DPYSL3: variants seen among roughly 807,000 people sequenced by gnomAD.
DPYSL3 encodes the protein dihydropyrimidinase-related protein 3.
DPYSL3 carries 16 observed loss-of-function variants against 66.1 expected under a neutral mutation model. The observed-to-expected ratio is 0.24, with a 90% CI of 0.16 to 0.37. DPYSL3 has a LOEUF of 0.37. DPYSL3 is among the 10% of genes least tolerant of loss of function. The pLI is 1.00. For missense variants in DPYSL3, 738 were observed against 916.2 expected (o/e 0.81, Z 2.51); for synonymous variants, 338 against 345.1 (o/e 0.98, Z 0.23).
intron 1 of DPYSL3, among the ~76,000 whole-genome samples, chr5:147,426,277 C>CA (rs1157936171): frequency 2.0e-5 from 3 of 151,996 alleles, no homozygotes. Flanking sequence ...AGCATGTGCA[C>CA]AAGCCTGGAG....
intron 1 of DPYSL3, among the ~76,000 whole-genome samples, chr5:147,477,333 G>A (rs895019943): frequency 2.0e-5 from 3 of 151,862 alleles, no homozygotes; most frequent in African/African-American, 7.3e-5. Context: ...AGCCCTGGCT[G>A]AATGAAAAGA....
chr5:147,434,284 C>T (rs1752374132), intron 1 of DPYSL3, among the ~76,000 whole-genome samples: 1 of 152,096 alleles, frequency 6.6e-6, no homozygotes, highest in African/African-American at 2.4e-5. Context: ...AATTCATGTC[C>T]CTCTTTGGTC....
intron 1 of DPYSL3, among the ~76,000 whole-genome samples, chr5:147,434,479 C>A (rs551543078): frequency 6.6e-6 from 1 of 152,284 alleles, no homozygotes; most frequent in East Asian, 1.9e-4. Context: ...GTGCAAAAGC[C>A]AAATGCCTAT....
chr5:147,482,852 T>C (rs1753270166), intron 1 of DPYSL3, among the ~76,000 whole-genome samples: 1 of 152,166 alleles, frequency 6.6e-6, no homozygotes, highest in South Asian at 2.1e-4. Context: ...AAAGGAAACT[T>C]ATAATCGTGG....
At chr5:147,398,554 G>C (rs79921463) in intron 11 of DPYSL3, among the ~76,000 whole-genome samples, 1 of 152,104 alleles carries the variant, frequency 6.6e-6, no homozygotes, top group Admixed American at 6.5e-5. Context: ...CAACAGTGTC[G>C]AGCCCGTTTC....
chr5:147,482,024 C>T (rs1753254407), intron 1 of DPYSL3, among the ~76,000 whole-genome samples: 1 of 152,122 alleles, frequency 6.6e-6, no homozygotes. Flanking sequence ...GGAAGCAAAA[C>T]TACTCTTTGT....
At chr5:147,434,625 A>T (rs146644901) in intron 1 of DPYSL3, among the ~76,000 whole-genome samples, 150 of 152,320 alleles carry the variant, frequency 9.8e-4, no homozygotes, top group African/African-American at 3.4e-3. Context: ...ATAGAGAAGT[A>T]AAGATAAAAC....
In DPYSL3 at chr5:147,442,622, G is replaced by T. The variant is rs550011479; in HGVS notation, c.382-17659C>A. ...ATAAATCTGTCATTTCATTTTTGTT[G>T]TTAATGCAAAGATCTCGGAAAAAAT... On this transcript the variant is annotated intron_variant, in intron 1 of 13. Coordinates refer to ENST00000343218, the MANE Select transcript of DPYSL3 (RefSeq NM_001197294.2). Among the ~76,000 whole-genome samples, 54 of 152,086 alleles carry T rather than the reference G, an allele frequency of 3.6e-4. 2 individuals carry two copies. Among genetic ancestry groups the T allele is most frequent in the Admixed American group, 1.2e-3 (19 of 15,284 alleles).
chr5:147,418,649 C>CA lies in DPYSL3; in HGVS notation c.471-19dup, dbSNP rs1752020851. The stretch of plus-strand genomic sequence containing the variant: ...CAATTTGTCTGGTGAAACAAACAAA[C>CA]AAAAAAATGATCAAACACTTGGTCA... On this transcript the variant is annotated intron_variant, in intron 2 of 13. Coordinates refer to ENST00000343218, the MANE Select transcript of DPYSL3 (RefSeq NM_001197294.2). The CA allele has an allele frequency of 2.6e-6, 4 of 1,549,700 alleles. No individual in the cohort carries two copies. Among genetic ancestry groups the CA allele is most frequent in the Non-Finnish European group, 2.6e-6 (3 of 1,144,246 alleles).
chr5:147,438,969 A>G (rs1752469896), intron 1 of DPYSL3, among the ~76,000 whole-genome samples: 1 of 152,184 alleles, frequency 6.6e-6, no homozygotes, highest in South Asian at 2.1e-4. Flanking sequence ...ACAGTGGGGT[A>G]TGACACAGAG....
intron 1 of DPYSL3, among the ~76,000 whole-genome samples, chr5:147,487,573 A>T (rs1172589552): frequency 6.6e-6 from 1 of 152,156 alleles, no homozygotes; most frequent in Non-Finnish European, 1.5e-5. Context: ...AATCCAACCC[A>T]CCACCTGTTT....
chr5:147,439,976 A>G (rs2126368435), intron 1 of DPYSL3, among the ~76,000 whole-genome samples: 1 of 152,316 alleles, frequency 6.6e-6, no homozygotes, highest in African/African-American at 2.4e-5. Flanking sequence ...ATCTGCATTC[A>G]ATATTGAAAG....
chr5:147,447,599 G>C (rs936563002), intron 1 of DPYSL3, among the ~76,000 whole-genome samples: 2 of 152,144 alleles, frequency 1.3e-5, no homozygotes, highest in East Asian at 1.9e-4. Flanking sequence ...GGCCAGGTGC[G>C]GTGGCTCACG....
intron 1 of DPYSL3, among the ~76,000 whole-genome samples, chr5:147,478,151 C>T (rs954265443): frequency 6.6e-6 from 1 of 152,184 alleles, no homozygotes; most frequent in African/African-American, 2.4e-5. Flanking sequence ...TTCACACATT[C>T]CCTTTGTATT....
chr5:147,502,376 T>TAC (rs10561693), intron 1 of DPYSL3, among the ~76,000 whole-genome samples: 6,313 of 149,470 alleles, frequency 0.042, 367 homozygotes, highest in African/African-American at 0.14. Context: ...ATGTCACAGA[T>TAC]ACACACACAC....
intron 8 of DPYSL3, among the ~76,000 whole-genome samples, chr5:147,402,152 G>A (rs78062406): frequency 0.033 from 4,983 of 152,138 alleles, 272 homozygotes; most frequent in African/African-American, 0.11. Context: ...TATGGCATAC[G>A]TGAAGCATCT....
At chr5:147,435,947 G>A (rs935897274) in intron 1 of DPYSL3, among the ~76,000 whole-genome samples, 32 of 152,178 alleles carry the variant, frequency 2.1e-4, no homozygotes, top group African/African-American at 6.3e-4. Context: ...AGTGGTTATT[G>A]GAAGTGGAGA....
chr5:147,495,407 G>A (rs935586568), intron 1 of DPYSL3, among the ~76,000 whole-genome samples: 71 of 152,272 alleles, frequency 4.7e-4, no homozygotes, highest in Admixed American at 6.5e-5. Context: ...GGGCAATTAG[G>A]CAGGAGAAGG....
chr5:147,503,199 G>C (rs1258422905), intron 1 of DPYSL3, among the ~76,000 whole-genome samples: 1 of 152,128 alleles, frequency 6.6e-6, no homozygotes, highest in African/African-American at 2.4e-5. Context: ...CACCCAATTT[G>C]TTGGACAAGA....
Sources: gnomAD v4.1 joint callset for allele counts (sites outside exome capture counted in the v4.1 genomes callset) on GRCh38, gnomAD v4.1.1 for gene constraint, MANE v1.5 for transcripts, NCBI Gene and HGNC (gene_info 2026-07-23, HGNC 2026-07-21) for gene names.